Variants in WDR59 observed in about 807,000 individuals in gnomAD.
The protein encoded by WDR59 is WD repeat domain 59, also known as GATOR2 complex protein WDR59.
A neutral mutation model predicts 131.2 loss-of-function variants in WDR59; 100 were observed. The observed-to-expected ratio is 0.76, with a 90% confidence interval of 0.65 to 0.90. The LOEUF is 0.90. Ranked by LOEUF, WDR59 falls within the 40% of genes least tolerant of loss-of-function variation. The probability of loss-of-function intolerance (pLI) is 0.00; values close to 1 mark genes in which losing one functional copy is unlikely to be tolerated. For missense variants in WDR59, 1,203 were observed against 1,262.2 expected (o/e 0.95, Z 0.71); for synonymous variants, 601 against 466.2 (o/e 1.29, Z -3.72).
intron 9 of WDR59, among the ~76,000 whole-genome samples, chr16:74,923,573 G>A (rs1340926930): frequency 6.6e-6 from 1 of 152,072 alleles, no homozygotes; most frequent in Admixed American, 6.5e-5. Flanking sequence ...TGCCTCCCGG[G>A]TTCAAGCGAT....
intron 1 of WDR59, among the ~76,000 whole-genome samples, chr16:74,976,781 G>A (rs1422887361): frequency 6.6e-6 from 1 of 152,082 alleles, no homozygotes; most frequent in African/African-American, 2.4e-5. Flanking sequence ...AATTTGGGAG[G>A]CCATGGTAGG....
intron 3 of WDR59, 67 bp downstream of exon 3, chr16:74,956,408 G>A: frequency 1.3e-6 from 2 of 1,577,176 alleles, no homozygotes; most frequent in Non-Finnish European, 8.6e-7. Flanking sequence ...TCTACACAGG[G>A]CATAGATCTG....
chr16:74,949,584 T>C (rs775340551), intron 5 of WDR59, 134 bp downstream of exon 5: 2 of 695,514 alleles, frequency 2.9e-6, no homozygotes, highest in African/African-American at 1.8e-5. Context: ...AATAATATAT[T>C]TGCGCTCAAA....
chr16:74,925,753 G>A (rs910949937), intron 8 of WDR59, among the ~76,000 whole-genome samples: 7 of 149,306 alleles, frequency 4.7e-5, no homozygotes, highest in South Asian at 2.1e-4. Flanking sequence ...TTCAATGCTC[G>A]TACAGTGGCT....
chr16:74,889,427 T>A (rs953239111), intron 21 of WDR59, among the ~76,000 whole-genome samples: 3 of 152,180 alleles, frequency 2.0e-5, no homozygotes, highest in African/African-American at 7.2e-5. Context: ...GTATTCAGAC[T>A]GATGTGATTT....
chr16:74,907,338 C>T (rs1307479501), intron 17 of WDR59, among the ~76,000 whole-genome samples: 2 of 152,168 alleles, frequency 1.3e-5, no homozygotes, highest in African/African-American at 4.8e-5. Context: ...GGGAGGGACA[C>T]AGTGGGAGGT....
rs552659255 is a variant in WDR59, at chr16:74,947,265, G to A, written c.445+1254C>T. Among the ~76,000 whole-genome samples, 7 of 152,160 alleles carry A rather than the reference G, an allele frequency of 4.6e-5. No homozygotes were observed. In the East Asian group the frequency reaches 5.8e-4, roughly 13 times the overall value. On this transcript the variant is annotated intron_variant, in intron 6 of 25. Coordinates refer to ENST00000262144, the MANE Select transcript of WDR59 (RefSeq NM_030581.4). ...GGAGTTCAAGACCAGCTTGACCAAC[G>A]TGGAGAAACCCCATCTTTACTAAAA...
At chr16:74,877,296 G>A (rs768233012) in intron 25 of WDR59, among the ~76,000 whole-genome samples, 10 of 151,878 alleles carry the variant, frequency 6.6e-5, no homozygotes, top group East Asian at 1.9e-4. Context: ...AAAATTAAAC[G>A]ATATACACTT....
intron 18 of WDR59, 71 bp from the exon 19 acceptor site, chr16:74,893,883 C>G (rs1965164177): frequency 3.9e-6 from 6 of 1,535,718 alleles, no homozygotes; most frequent in South Asian, 1.2e-5. Context: ...CAGAGCTCAT[C>G]ATATTGGGGT....
rs574668223 is a variant in WDR59 at position 74,974,817 on chromosome 16, T to A, written c.55-8995A>T. On this transcript the variant is annotated intron_variant, in intron 1 of 25. Coordinates refer to ENST00000262144, the MANE Select transcript of WDR59 (RefSeq NM_030581.4). ...GTACACAATGTCTCTCACACATTGT[T>A]CCAGTTACACACGAAAGGAATTAAG... 2.0e-5 allele frequency among the ~76,000 whole-genome samples: 3 copies of A among 152,266 alleles called. No individual in the cohort carries two copies. The East Asian group carries it at 5.8e-4, about 29-fold the overall frequency.
At chr16:74,917,871 A>C in intron 11 of WDR59, 58 bp downstream of exon 11, 1 of 1,514,020 alleles carries the variant, frequency 6.6e-7, no homozygotes, top group East Asian at 2.3e-5. Flanking sequence ...CAAATCCTGA[A>C]TCTTACACTT....
chr16:74,984,276 C>CA (rs1168637261), intron 1 of WDR59, among the ~76,000 whole-genome samples: 6 of 151,118 alleles, frequency 4.0e-5, no homozygotes, highest in Non-Finnish European at 7.4e-5. Flanking sequence ...CTCTCCATCT[C>CA]AAAAAAAATA....
At chr16:74,913,751 G>T (rs908529598) in intron 13 of WDR59, among the ~76,000 whole-genome samples, 1 of 152,226 alleles carries the variant, frequency 6.6e-6, no homozygotes, top group Admixed American at 6.5e-5. Flanking sequence ...GAAGAAAGTA[G>T]ATTCGGGATT....
intron 10 of WDR59, among the ~76,000 whole-genome samples, chr16:74,919,045 T>C (rs1246619889): frequency 6.6e-6 from 1 of 152,156 alleles, no homozygotes; most frequent in East Asian, 1.9e-4. Flanking sequence ...TGCCCCTGAC[T>C]TTGACGAAAA....
chr16:74,964,857 GTTC>G (rs561441215), intron 2 of WDR59, among the ~76,000 whole-genome samples: 1 of 152,176 alleles, frequency 6.6e-6, no homozygotes, highest in South Asian at 2.1e-4. Flanking sequence ...GAGGTCAGGA[GTTC>G]GAGGTCAGCC....
At chr16:74,929,619 G>A (rs1753461704) in intron 8 of WDR59, among the ~76,000 whole-genome samples, 1 of 152,102 alleles carries the variant, frequency 6.6e-6, no homozygotes, top group South Asian at 2.1e-4. Flanking sequence ...AGAACAGTAT[G>A]GTGATTCCTC....
At chr16:74,944,992 C>T (rs1025157077) in intron 6 of WDR59, among the ~76,000 whole-genome samples, 21 of 152,092 alleles carry the variant, frequency 1.4e-4, no homozygotes, top group Non-Finnish European at 2.2e-4. Context: ...GGTGTGGTGG[C>T]CCATGCCTGC....
intron 7 of WDR59, among the ~76,000 whole-genome samples, chr16:74,941,650 C>T (rs1311013746): frequency 6.6e-6 from 1 of 151,634 alleles, no homozygotes. Flanking sequence ...GCCAAGGTCC[C>T]CACTGTACTC....
intron 6 of WDR59, among the ~76,000 whole-genome samples, chr16:74,944,006 A>G (rs1010958823): frequency 6.6e-5 from 10 of 152,156 alleles, no homozygotes; most frequent in Non-Finnish European, 1.0e-4. Flanking sequence ...GCACGGAAGG[A>G]TATCAGCTGG....
Sources: allele counts gnomAD v4.1 joint callset (sites outside exome capture counted in the v4.1 genomes callset), GRCh38; gene constraint gnomAD v4.1.1; transcripts MANE v1.5; gene names NCBI Gene and HGNC (gene_info 2026-07-23, HGNC 2026-07-21).